The following SLC36A2 variants were observed in gnomAD, a reference collection of about 807,000 sequenced individuals.
SLC36A2 encodes solute carrier family 36 member 2, also known as proton-coupled amino acid transporter 2.
Under a neutral mutation model 42.7 loss-of-function variants are expected in SLC36A2, and 39 were observed. That is an observed-to-expected ratio of 0.91 (90% confidence interval 0.71 to 1.19). The LOEUF (loss-of-function observed/expected upper bound fraction) is 1.19. Among genes scored for constraint, SLC36A2 ranks in the 50% most tolerant of loss-of-function variants. The probability of loss-of-function intolerance (pLI) is 0.00; values close to 1 mark genes in which losing one functional copy is unlikely to be tolerated. For synonymous variants in SLC36A2, 237 were observed against 240.8 expected (o/e 0.98, Z 0.15); for missense variants, 590 against 613.7 (o/e 0.96, Z 0.41).
chr5:151,342,738 T>C lies in SLC36A2; in HGVS notation c.440+150A>G, dbSNP rs536744881. 8 of 678,772 alleles carry C rather than the reference T, an allele frequency of 1.2e-5. No homozygotes were observed. The African/African-American group carries it at 1.4e-4, about 12-fold the overall frequency. 42.0% of individuals were successfully genotyped at this position (678,772 alleles called of 1,614,324 possible). Reference sequence around the variant, plus strand: ...GAGATACACAAGAAGTGGGGGTTGATCAGGGATGTTGCCAATGAACCCCTT... The same window carrying C: ...GAGATACACAAGAAGTGGGGGTTGACCAGGGATGTTGCCAATGAACCCCTT... On this transcript the variant is annotated intron_variant, in intron 4 of 9. Coordinates refer to ENST00000335244, the MANE Select transcript of SLC36A2 (RefSeq NM_181776.3).
chr5:151,338,876 G>T, intron 5 of SLC36A2, 184 bp downstream of exon 5: 1 of 545,086 alleles, frequency 1.8e-6, no homozygotes, highest in East Asian at 4.0e-5. Context: ...AGGGTATTGT[G>T]GCAAAAGTAA....
At chr5:151,333,469 TC>T in intron 6 of SLC36A2, 147 bp from the exon 7 acceptor site, 1 of 696,098 alleles carries the variant, frequency 1.4e-6, no homozygotes, top group Non-Finnish European at 2.6e-6. Flanking sequence ...TAGGCCACGA[TC>T]AAAGTTGATT....
At chr5:151,321,361 T>G (rs1755683454) in intron 9 of SLC36A2, among the ~76,000 whole-genome samples, 1 of 149,706 alleles carries the variant, frequency 6.7e-6, no homozygotes, top group Admixed American at 6.6e-5. Context: ...TTTTTTTTTT[T>G]TAATAGAGAT....
At chr5:151,346,738 T>G (rs1756507559) in intron 1 of SLC36A2, among the ~76,000 whole-genome samples, 1 of 152,134 alleles carries the variant, frequency 6.6e-6, no homozygotes, top group Non-Finnish European at 1.5e-5. Flanking sequence ...GCCTTGTGAA[T>G]AACCCCCACT....
rs760832251 is a variant in SLC36A2 at position 151,322,246 on chromosome 5, C to T, written c.1011-31G>A. Reference sequence around the variant, plus strand: ...AGACAAACCACAGAGCTGCTCTCCACGGCCACTGTGTTCTGACACTGGCCT... The same window carrying T: ...AGACAAACCACAGAGCTGCTCTCCATGGCCACTGTGTTCTGACACTGGCCT... On this transcript the variant is annotated intron_variant, in intron 8 of 9. Coordinates refer to ENST00000335244, the MANE Select transcript of SLC36A2 (RefSeq NM_181776.3). The T allele has an allele frequency of 4.3e-5, 69 of 1,611,962 alleles. No individual in the cohort carries two copies. The Middle Eastern group carries it at 8.2e-4, about 19-fold the overall frequency.
intron 9 of SLC36A2, among the ~76,000 whole-genome samples, chr5:151,320,185 T>C (rs1054749964): frequency 6.6e-6 from 1 of 152,100 alleles, no homozygotes; most frequent in African/African-American, 2.4e-5. Context: ...CATGAAAAAG[T>C]AGTAAATGGT....
chr5:151,317,871 A>C (rs1217137847), intron 9 of SLC36A2, among the ~76,000 whole-genome samples: 1 of 152,162 alleles, frequency 6.6e-6, no homozygotes, highest in Non-Finnish European at 1.5e-5. Flanking sequence ...GAGAAAAGAC[A>C]AAGTGTATAT....
chr5:151,317,454 TAAA>T (rs34665919), intron 9 of SLC36A2, among the ~76,000 whole-genome samples: 10 of 135,774 alleles, frequency 7.4e-5, no homozygotes, highest in South Asian at 2.4e-4. Flanking sequence ...CCTATCTCAT[TAAA>T]AAAAAAAAAA....
At chr5:151,336,630 G>A (rs1756164417) in intron 5 of SLC36A2, among the ~76,000 whole-genome samples, 1 of 151,676 alleles carries the variant, frequency 6.6e-6, no homozygotes, top group South Asian at 2.1e-4. Context: ...AGTAGCCCTG[G>A]ACCCCACCCA....
At chr5:151,334,461 CG>C (rs1166943183) in intron 6 of SLC36A2, among the ~76,000 whole-genome samples, 2 of 148,858 alleles carry the variant, frequency 1.3e-5, no homozygotes, top group Non-Finnish European at 3.0e-5. Flanking sequence ...GGGGCCAAGG[CG>C]GGGGGATCAC....
Position 151,328,982 on chromosome 5 carries a change from T to G in SLC36A2, c.844-3530A>C, listed in dbSNP as rs1755922538. ...ATGACAGTGTAGGAGGCTAAAAGCC[T>G]AGATTTCTAGCCAGAGGATGGGAAA... On this transcript the variant is annotated intron_variant, in intron 7 of 9. Coordinates refer to ENST00000335244, the MANE Select transcript of SLC36A2 (RefSeq NM_181776.3). 3.9e-5 allele frequency among the ~76,000 whole-genome samples: 6 copies of G among 152,308 alleles called. No homozygotes were observed. In the South Asian group the frequency reaches 1.2e-3, roughly 32 times the overall value.
intron 8 of SLC36A2, among the ~76,000 whole-genome samples, chr5:151,323,593 T>C (rs996203239): frequency 1.3e-5 from 2 of 152,146 alleles, no homozygotes; most frequent in Non-Finnish European, 2.9e-5. Flanking sequence ...TGGACTCAGG[T>C]GTACCAGAGT....
intron 8 of SLC36A2, among the ~76,000 whole-genome samples, chr5:151,324,764 C>T (rs2127287961): frequency 6.6e-6 from 1 of 152,276 alleles, no homozygotes; most frequent in South Asian, 2.1e-4. Context: ...GCATCCCAAG[C>T]AGCTGGGACT....
At chr5:151,327,375 C>T (rs2127289933) in intron 7 of SLC36A2, among the ~76,000 whole-genome samples, 1 of 152,332 alleles carries the variant, frequency 6.6e-6, no homozygotes, top group Middle Eastern at 3.4e-3. Context: ...CCTGCTTCTA[C>T]TCCTATAGCA....
intron 7 of SLC36A2, 109 bp downstream of exon 7, chr5:151,333,115 C>G: frequency 2.0e-6 from 2 of 999,780 alleles, no homozygotes; most frequent in Non-Finnish European, 3.2e-6. Flanking sequence ...CATTTTCTAG[C>G]AGGCCCAAAA....
intron 8 of SLC36A2, among the ~76,000 whole-genome samples, chr5:151,324,491 C>G (rs1755795728): frequency 6.6e-6 from 1 of 152,140 alleles, no homozygotes; most frequent in Admixed American, 6.6e-5. Context: ...CACCACCATG[C>G]CCGGCTAATT....
intron 7 of SLC36A2, among the ~76,000 whole-genome samples, chr5:151,328,610 T>C (rs1173093304): frequency 6.6e-6 from 1 of 152,212 alleles, no homozygotes; most frequent in African/African-American, 2.4e-5. Flanking sequence ...GGTGTATCAG[T>C]GGCTGTAGTG....
intron 9 of SLC36A2, among the ~76,000 whole-genome samples, chr5:151,321,191 G>A (rs544514042): frequency 3.3e-5 from 5 of 151,414 alleles, no homozygotes; most frequent in African/African-American, 1.2e-4. Context: ...TTGAGACAGG[G>A]TCTGACTCTG....
chr5:151,323,906 C>G lies in SLC36A2; in HGVS notation c.1010+1380G>C, dbSNP rs190622094. ...TGGCATTATCATGTTGGGAAAGGAG[C>G]CACATTTAGGCAAATTAGGTCTCCA... On this transcript the variant is annotated intron_variant, in intron 8 of 9. Transcript: ENST00000335244. 2.6e-5 allele frequency among the ~76,000 whole-genome samples: 4 copies of G among 152,268 alleles called. No homozygotes were observed. The East Asian group carries it at 5.8e-4, about 22-fold the overall frequency.
Sources: gnomAD v4.1 joint callset for allele counts (sites outside exome capture counted in the v4.1 genomes callset) on GRCh38, gnomAD v4.1.1 for gene constraint, MANE v1.5 for transcripts, NCBI Gene and HGNC (gene_info 2026-07-23, HGNC 2026-07-21) for gene names.